Variants in CADPS2 observed in about 807,000 individuals in gnomAD.
The protein encoded by CADPS2 is calcium-dependent secretion activator 2.
CADPS2 carries 93 observed loss-of-function variants against 172.5 expected under a neutral mutation model. The observed-to-expected ratio is 0.54, with a 90% CI of 0.46 to 0.64. CADPS2 has a LOEUF of 0.64. Ranked by LOEUF, CADPS2 falls within the 30% of genes least tolerant of loss-of-function variation. The pLI, the probability that CADPS2 is intolerant of heterozygous loss-of-function variation, is 0.00. For missense variants in CADPS2, 1,420 were observed against 1,565.9 expected (o/e 0.91, Z 1.57); for synonymous variants, 546 against 555.2 (o/e 0.98, Z 0.23).
intron 5 of CADPS2, among the ~76,000 whole-genome samples, chr7:122,619,189 TAC>T (rs1449544713): frequency 6.6e-6 from 1 of 152,064 alleles, no homozygotes; most frequent in Admixed American, 6.5e-5. Flanking sequence ...AGTTAATTAT[TAC>T]AATTGTTTAA....
At chr7:122,750,820 C>T (rs1416292480) in intron 1 of CADPS2, among the ~76,000 whole-genome samples, 1 of 152,050 alleles carries the variant, frequency 6.6e-6, no homozygotes, top group Non-Finnish European at 1.5e-5. Context: ...GCCTGGAAAG[C>T]TGTATAGTTT....
chr7:122,425,648 T>C (rs748844702), intron 17 of CADPS2, among the ~76,000 whole-genome samples: 4 of 152,034 alleles, frequency 2.6e-5, no homozygotes, highest in Non-Finnish European at 5.9e-5. Flanking sequence ...ACAATATATG[T>C]GTATATACAC....
chr7:122,600,619 G>A (rs1039729686), intron 6 of CADPS2, among the ~76,000 whole-genome samples: 1 of 152,052 alleles, frequency 6.6e-6, no homozygotes, highest in African/African-American at 2.4e-5. Flanking sequence ...TAATTCTATT[G>A]CCACTATTAG....
chr7:122,785,149 T>C (rs1055785082), intron 1 of CADPS2, among the ~76,000 whole-genome samples: 5 of 152,360 alleles, frequency 3.3e-5, no homozygotes, highest in African/African-American at 9.6e-5. Flanking sequence ...GCTTAAAATG[T>C]TGTAGGTGCT....
intron 27 of CADPS2, among the ~76,000 whole-genome samples, chr7:122,358,892 C>A (rs2151113113): frequency 6.6e-6 from 1 of 152,210 alleles, no homozygotes; most frequent in East Asian, 1.9e-4. Flanking sequence ...AATGCTGACA[C>A]TGATAAGCTA....
chr7:122,367,722 T>TAGTAGAAACGGGG (rs2041149023), intron 25 of CADPS2, among the ~76,000 whole-genome samples: 1 of 143,666 alleles, frequency 7.0e-6, no homozygotes, highest in African/African-American at 2.6e-5. Context: ...TTTTTTTTTT[T>TAGTAGAAACGGGG]TTTTTTTTTT....
At chr7:122,802,018 T>C (rs1797766608) in intron 1 of CADPS2, among the ~76,000 whole-genome samples, 1 of 152,170 alleles carries the variant, frequency 6.6e-6, no homozygotes, top group Non-Finnish European at 1.5e-5. Context: ...ACAAGATGTC[T>C]AAACAGTATC....
intron 1 of CADPS2, among the ~76,000 whole-genome samples, chr7:122,830,022 A>T (rs929901051): frequency 1.9e-4 from 10 of 53,864 alleles, no homozygotes; most frequent in African/African-American, 3.0e-4. Flanking sequence ...ATATCATATT[A>T]AAAAAAAAAA....
At chr7:122,841,137 T>C (rs1219975477) in intron 1 of CADPS2, among the ~76,000 whole-genome samples, 3 of 152,220 alleles carry the variant, frequency 2.0e-5, no homozygotes, top group Admixed American at 2.0e-4. Flanking sequence ...TTTTAGTTAA[T>C]GCCTATATTT....
intron 1 of CADPS2, among the ~76,000 whole-genome samples, chr7:122,809,473 CG>C (rs1799535196): frequency 6.6e-6 from 1 of 150,420 alleles, no homozygotes. Context: ...CCCAGCTACT[CG>C]GGAGGCTGAG....
intron 1 of CADPS2, among the ~76,000 whole-genome samples, chr7:122,857,672 C>A (rs1265369203): frequency 6.6e-6 from 1 of 152,144 alleles, no homozygotes; most frequent in Non-Finnish European, 1.5e-5. Context: ...CTTTATAAAG[C>A]CGCTGTGGAA....
chr7:122,590,809 A>G (rs2070677679), intron 6 of CADPS2, among the ~76,000 whole-genome samples: 1 of 151,922 alleles, frequency 6.6e-6, no homozygotes, highest in Non-Finnish European at 1.5e-5. Context: ...ATTCAAATTT[A>G]CTAGCTAGAA....
rs181384808 is a variant in CADPS2, at chr7:122,474,262, G to A, written c.1998+119C>T. ...CCACTACCCTTATTAAATGAGTCAG[G>A]AATAAAATGCTGGTTTATAACAAGT... On this transcript the variant is annotated intron_variant, in intron 13 of 29. Coordinates refer to ENST00000449022, the MANE Select transcript of CADPS2 (RefSeq NM_017954.11). 17 of 1,077,112 alleles carry A rather than the reference G, an allele frequency of 1.6e-5. No homozygotes were observed. The African/African-American group carries it at 2.5e-4, about 16-fold the overall frequency. The allele number at this position is 1,077,112 out of a possible 1,614,324, so 66.7% of individuals were successfully genotyped here.
intron 1 of CADPS2, among the ~76,000 whole-genome samples, chr7:122,811,501 A>G (rs1190438767): frequency 2.0e-5 from 3 of 152,174 alleles, no homozygotes; most frequent in African/African-American, 4.8e-5. Context: ...ATGTTTTTAC[A>G]TATTATGCCA....
At chr7:122,331,988 T>C (rs2035027640) in intron 28 of CADPS2, 1 of 152,298 alleles carries the variant, frequency 6.6e-6, no homozygotes, top group East Asian at 1.9e-4. Flanking sequence ...CTAGGAAAAG[T>C]GTCATTAGCA....
intron 2 of CADPS2, among the ~76,000 whole-genome samples, chr7:122,723,599 C>G (rs995720526): frequency 6.6e-6 from 1 of 152,148 alleles, no homozygotes; most frequent in Non-Finnish European, 1.5e-5. Context: ...ACTAGTTCAA[C>G]CATTGTGGAA....
At chr7:122,648,764 A>G (rs2134869926) in intron 3 of CADPS2, among the ~76,000 whole-genome samples, 1 of 152,274 alleles carries the variant, frequency 6.6e-6, no homozygotes, top group Middle Eastern at 3.4e-3. Flanking sequence ...TCCAAAGGAC[A>G]ATACAGAGTG....
At position 122,608,878 on chromosome 7, in the gene CADPS2, A is replaced by T. The variant is rs574440397; in HGVS notation, c.1223+6303T>A. Among the ~76,000 whole-genome samples the T allele has an allele frequency of 5.3e-5, 8 of 152,086 alleles. No homozygotes were observed. The East Asian group carries it at 1.2e-3, about 22-fold the overall frequency. On this transcript the variant is annotated intron_variant, in intron 6 of 29. Transcript: ENST00000449022. ...TATTGTGGTACTGCACTGGACACTTAAAAATTTGTTAAGAGGTTAGATTTC... is the reference window on the plus strand; with the variant it reads ...TATTGTGGTACTGCACTGGACACTTTAAAATTTGTTAAGAGGTTAGATTTC...
chr7:122,622,387 TAAC>T (rs2075690182), intron 4 of CADPS2, among the ~76,000 whole-genome samples: 1 of 152,182 alleles, frequency 6.6e-6, no homozygotes, highest in African/African-American at 2.4e-5. Context: ...AGGGAAAAAT[TAAC>T]AATATCAATT....
Sources: allele counts gnomAD v4.1 joint callset (sites outside exome capture counted in the v4.1 genomes callset), GRCh38; gene constraint gnomAD v4.1.1; transcripts MANE v1.5; gene names NCBI Gene and HGNC (gene_info 2026-07-23, HGNC 2026-07-21).